The following SLC14A2 variants were observed in gnomAD, a reference collection of about 807,000 sequenced individuals.
The protein encoded by SLC14A2 is urea transporter 2.
Under a neutral mutation model 104.6 loss-of-function variants are expected in SLC14A2, and 91 were observed. The ratio of observed to expected loss-of-function variants is 0.87; its 90% CI spans 0.73 to 1.04. The LOEUF is 1.04. SLC14A2 is among the 50% of genes least tolerant of loss of function. SLC14A2 has a pLI of 0.00. For missense variants in SLC14A2, 1,189 were observed against 1,156.0 expected, an observed-to-expected ratio of 1.03 and a Z score of -0.41; for synonymous variants, 476 against 466.4, an observed-to-expected ratio of 1.02 and a Z score of -0.27.
chr18:45,475,846 A>T (rs1207291435), intron 1 of SLC14A2, among the ~76,000 whole-genome samples: 2 of 151,060 alleles, frequency 1.3e-5, no homozygotes, highest in Non-Finnish European at 2.9e-5. Context: ...ATCTTCCTCC[A>T]TCCCTTTATT....
At chr18:45,582,175 G>C (rs1454991572) in intron 2 of SLC14A2, among the ~76,000 whole-genome samples, 1 of 152,184 alleles carries the variant, frequency 6.6e-6, no homozygotes, top group African/African-American at 2.4e-5. Flanking sequence ...TCAGACACCA[G>C]GAGATGATGA....
intron 1 of SLC14A2, among the ~76,000 whole-genome samples, chr18:45,459,252 G>A (rs552874809): frequency 1.3e-5 from 2 of 152,320 alleles, no homozygotes; most frequent in South Asian, 2.1e-4. Context: ...GACAGAGAGG[G>A]CCTACTTGTC....
rs927000854 is a variant in SLC14A2, at chr18:45,662,602, T to C, written c.1352-1183T>C. ...GCAGAGAAAAGGATTGGGAGCTGAG[T>C]CATGTGACTCACCATTTGTAGGATG... On this transcript the variant is annotated intron_variant, in intron 10 of 19. Coordinates refer to ENST00000255226, the MANE Select transcript of SLC14A2 (RefSeq NM_007163.4). Among the ~76,000 whole-genome samples the C allele has an allele frequency of 3.9e-5, 6 of 152,226 alleles. No homozygotes were observed. In the East Asian group the frequency reaches 1.2e-3, roughly 29 times the overall value.
At chr18:45,190,594 A>G in the SLC14A2 span, among the ~76,000 whole-genome samples, 1 of 152,188 alleles carries the variant, frequency 6.6e-6, no homozygotes, top group Admixed American at 6.5e-5. Context: ...CAAATTGGTC[A>G]ACTGGTTCAC....
At chr18:45,670,923 A>G (rs1156767449) in intron 16 of SLC14A2, among the ~76,000 whole-genome samples, 1 of 152,116 alleles carries the variant, frequency 6.6e-6, no homozygotes, top group Non-Finnish European at 1.5e-5. Context: ...TCAGCCTCCC[A>G]AAGTGCTGGG....
chr18:45,570,256 T>C (rs927427043), intron 2 of SLC14A2, among the ~76,000 whole-genome samples: 3 of 152,184 alleles, frequency 2.0e-5, no homozygotes, highest in African/African-American at 7.2e-5. Context: ...GGGCTACCCT[T>C]TGGCTCCAAA....
chr18:45,316,792 C>A (rs138721547), intron 1 of SLC14A2, among the ~76,000 whole-genome samples: 1 of 152,318 alleles, frequency 6.6e-6, no homozygotes, highest in South Asian at 2.1e-4. Context: ...AGCTCCCAAA[C>A]CTTTTCCATC....
chr18:45,177,973 T>C, the SLC14A2 span, among the ~76,000 whole-genome samples: 2 of 152,156 alleles, frequency 1.3e-5, no homozygotes, highest in South Asian at 2.1e-4. Flanking sequence ...AGAAGTTCCA[T>C]ATCAGAAAAA....
At chr18:45,353,641 G>A (rs955158621) in intron 1 of SLC14A2, among the ~76,000 whole-genome samples, 7 of 152,246 alleles carry the variant, frequency 4.6e-5, no homozygotes, top group East Asian at 1.9e-4. Context: ...CCACCACATC[G>A]TTAAGCCTCA....
intron 1 of SLC14A2, among the ~76,000 whole-genome samples, chr18:45,254,279 G>A (rs2084452976): frequency 6.6e-6 from 1 of 152,172 alleles, no homozygotes; most frequent in Admixed American, 6.5e-5. Context: ...CCTGTATTTG[G>A]TTTTGACTCC....
chr18:45,375,996 A>G (rs924836974), intron 1 of SLC14A2, among the ~76,000 whole-genome samples: 2 of 152,194 alleles, frequency 1.3e-5, no homozygotes, highest in Non-Finnish European at 2.9e-5. Context: ...CAGTTATTCA[A>G]TCAGGCAGTT....
upstream of SLC14A2, among the ~76,000 whole-genome samples, chr18:45,211,788 T>C (rs9946493): frequency 6.6e-6 from 1 of 152,112 alleles, no homozygotes; most frequent in South Asian, 2.1e-4. Flanking sequence ...AAAAGAAAAT[T>C]AAAAGGCTGA....
intron 1 of SLC14A2, among the ~76,000 whole-genome samples, chr18:45,308,960 A>G (rs1466223972): frequency 6.6e-6 from 1 of 152,056 alleles, no homozygotes; most frequent in African/African-American, 2.4e-5. Context: ...CTGAACAGGA[A>G]CTCAGACTTA....
At chr18:45,509,296 A>C (rs543340017) in intron 2 of SLC14A2, among the ~76,000 whole-genome samples, 14 of 151,812 alleles carry the variant, frequency 9.2e-5, no homozygotes, top group East Asian at 3.9e-4. Context: ...CTATATATAT[A>C]TATCTCTCTC....
chr18:45,435,096 C>G (rs1017937430), intron 1 of SLC14A2: 1 of 152,162 alleles, frequency 6.6e-6, no homozygotes, highest in African/African-American at 2.4e-5. Context: ...TTTGTCCCCT[C>G]CACCTGGGCC....
chr18:45,292,554 G>A (rs948032041), intron 1 of SLC14A2, among the ~76,000 whole-genome samples: 1 of 152,166 alleles, frequency 6.6e-6, no homozygotes, highest in Non-Finnish European at 1.5e-5. Flanking sequence ...TGCAAGAAAG[G>A]AGTGGGTTGT....
intron 2 of SLC14A2, among the ~76,000 whole-genome samples, chr18:45,484,600 G>C (rs1250836600): frequency 6.6e-6 from 1 of 152,130 alleles, no homozygotes; most frequent in Non-Finnish European, 1.5e-5. Flanking sequence ...TAAGCCACTG[G>C]CAACAAGGTC....
intron 5 of SLC14A2, 46 bp downstream of exon 5, chr18:45,632,524 A>G: frequency 6.2e-7 from 1 of 1,603,150 alleles, no homozygotes; most frequent in South Asian, 1.1e-5. Flanking sequence ...GGGGCCCCCA[A>G]GACACTTGTG....
intron 9 of SLC14A2, among the ~76,000 whole-genome samples, chr18:45,643,513 G>C (rs1332104386): frequency 1.3e-5 from 2 of 152,134 alleles, no homozygotes; most frequent in African/African-American, 4.8e-5. Flanking sequence ...GATTCTGATT[G>C]TGGCTCAAAT....
Sources: allele counts gnomAD v4.1 joint callset (sites outside exome capture counted in the v4.1 genomes callset), GRCh38; gene constraint gnomAD v4.1.1; transcripts MANE v1.5; gene names NCBI Gene and HGNC (gene_info 2026-07-23, HGNC 2026-07-21).